DDAH1: variants seen among roughly 807,000 people sequenced by gnomAD.
DDAH1 encodes the protein dimethylarginine dimethylaminohydrolase 1, also known as N(G),N(G)-dimethylarginine dimethylaminohydrolase 1.
DDAH1 carries 19 observed loss-of-function variants against 28.8 expected under a neutral mutation model. The observed-to-expected ratio is 0.66, with a 90% confidence interval of 0.46 to 0.97. DDAH1 has a LOEUF of 0.97. Among genes scored for constraint, DDAH1 ranks in the 50% least tolerant of loss-of-function variants. The pLI is 0.00. For missense variants in DDAH1, 326 were observed against 375.9 expected, an observed-to-expected ratio of 0.87 and a Z score of 1.10; for synonymous variants, 153 against 154.4, an observed-to-expected ratio of 0.99 and a Z score of 0.07.
intron 4 of DDAH1, among the ~76,000 whole-genome samples, chr1:85,338,782 T>G (rs1648286300): frequency 6.6e-6 from 1 of 152,030 alleles, no homozygotes; most frequent in South Asian, 2.1e-4. Flanking sequence ...GGCTCATGCC[T>G]GTAATTCCAG....
intron 1 of DDAH1, among the ~76,000 whole-genome samples, chr1:85,373,119 T>C (rs1396553968): frequency 6.6e-6 from 1 of 152,162 alleles, no homozygotes. Context: ...CAAAACTAAA[T>C]GCATTTCAGT....
chr1:85,555,137 T>C (rs905673787), intron 1 of DDAH1, among the ~76,000 whole-genome samples: 1 of 152,240 alleles, frequency 6.6e-6, no homozygotes, highest in African/African-American at 2.4e-5. Context: ...TCTTGGTGCC[T>C]GGCATAGTGC....
intron 1 of DDAH1, among the ~76,000 whole-genome samples, chr1:85,521,148 C>T (rs149168890): frequency 0.036 from 5,441 of 152,100 alleles, 153 homozygotes; most frequent in South Asian, 0.1. Flanking sequence ...CTTTAATGTC[C>T]GGCTATTCAT....
chr1:85,410,711 TA>T (rs1342839144), intron 1 of DDAH1, among the ~76,000 whole-genome samples: 3 of 152,188 alleles, frequency 2.0e-5, no homozygotes, highest in African/African-American at 7.2e-5. Flanking sequence ...TAATTGAGTT[TA>T]AAACACATAA....
At chr1:85,334,709 T>C (rs756965844) in intron 4 of DDAH1, among the ~76,000 whole-genome samples, 5 of 152,198 alleles carry the variant, frequency 3.3e-5, no homozygotes, top group African/African-American at 9.6e-5. Flanking sequence ...ACCTGCAGAA[T>C]TGTGAGTCAA....
intron 1 of DDAH1, among the ~76,000 whole-genome samples, chr1:85,442,017 G>A (rs1654220462): frequency 1.3e-5 from 2 of 151,838 alleles, no homozygotes; most frequent in South Asian, 4.2e-4. Context: ...GAAAGATGGT[G>A]ACCAAAGCCA....
chr1:85,353,262 CTTTA>C (rs1332917364), intron 2 of DDAH1, among the ~76,000 whole-genome samples: 8 of 152,186 alleles, frequency 5.3e-5, no homozygotes, highest in African/African-American at 1.7e-4. Flanking sequence ...CTCATCTTCC[CTTTA>C]TTTATTGAAA....
intron 4 of DDAH1, among the ~76,000 whole-genome samples, chr1:85,331,397 C>A (rs545536838): frequency 1.0e-4 from 14 of 133,368 alleles, no homozygotes; most frequent in South Asian, 2.7e-4. Flanking sequence ...TTGGGTCACT[C>A]ATAATTGATC....
intron 1 of DDAH1, among the ~76,000 whole-genome samples, chr1:85,416,566 A>G (rs570776452): frequency 6.6e-6 from 1 of 152,352 alleles, no homozygotes; most frequent in South Asian, 2.1e-4. Flanking sequence ...TCCCAAAGAT[A>G]GTTATTTTAA....
At chr1:85,577,477 G>A (rs923490120) in intron 1 of DDAH1, among the ~76,000 whole-genome samples, 1 of 151,924 alleles carries the variant, frequency 6.6e-6, no homozygotes. Context: ...GATCTATGAA[G>A]ACACACACAC....
At chr1:85,462,173 G>C (rs1157973476) in intron 1 of DDAH1, among the ~76,000 whole-genome samples, 1 of 152,184 alleles carries the variant, frequency 6.6e-6, no homozygotes, top group Non-Finnish European at 1.5e-5. Flanking sequence ...AAAGGGAAGA[G>C]AGGAAAGAGG....
intron 1 of DDAH1, among the ~76,000 whole-genome samples, chr1:85,574,017 A>G (rs961326181): frequency 2.8e-4 from 42 of 152,248 alleles, no homozygotes; most frequent in African/African-American, 8.4e-4. Context: ...TCTAGATGGC[A>G]TTTTAACATT....
chr1:85,330,386 T>C (rs1236765567), intron 4 of DDAH1, among the ~76,000 whole-genome samples: 1 of 152,166 alleles, frequency 6.6e-6, no homozygotes, highest in Non-Finnish European at 1.5e-5. Flanking sequence ...AATGCAGCTG[T>C]TGGGCCGTTT....
intron 1 of DDAH1, among the ~76,000 whole-genome samples, chr1:85,450,164 G>T (rs1654605493): frequency 6.6e-6 from 1 of 152,098 alleles, no homozygotes; most frequent in Non-Finnish European, 1.5e-5. Flanking sequence ...ACATATATTT[G>T]CGATTATTTA....
intron 1 of DDAH1, among the ~76,000 whole-genome samples, chr1:85,430,969 C>T (rs919847079): frequency 1.3e-5 from 2 of 152,012 alleles, no homozygotes; most frequent in Admixed American, 6.6e-5. Context: ...TGTCCTCTGC[C>T]GATTTTCAAA....
intron 4 of DDAH1, among the ~76,000 whole-genome samples, chr1:85,340,335 G>A (rs1319491349): frequency 1.3e-5 from 2 of 152,188 alleles, no homozygotes; most frequent in African/African-American, 4.8e-5. Context: ...TTCCTTTGTG[G>A]ATGAGGAATG....
At chr1:85,520,729 C>T (rs567650930) in intron 1 of DDAH1, among the ~76,000 whole-genome samples, 29 of 152,222 alleles carry the variant, frequency 1.9e-4, no homozygotes, top group Non-Finnish European at 2.8e-4. Flanking sequence ...CATTACTGAA[C>T]GCAGGGGACA....
intron 1 of DDAH1, among the ~76,000 whole-genome samples, chr1:85,408,370 C>G (rs1221478042): frequency 6.6e-6 from 1 of 151,730 alleles, no homozygotes; most frequent in Non-Finnish European, 1.5e-5. Context: ...CAGAGGTAAC[C>G]ATGTTTATCA....
intron 1 of DDAH1, among the ~76,000 whole-genome samples, chr1:85,384,994 T>C (rs150211177): frequency 2.0e-5 from 3 of 152,352 alleles, no homozygotes; most frequent in Non-Finnish European, 2.9e-5. Context: ...TATAACTGTA[T>C]AGCAGTCTGT....
Sources: allele counts gnomAD v4.1 joint callset (sites outside exome capture counted in the v4.1 genomes callset), GRCh38; gene constraint gnomAD v4.1.1; transcripts MANE v1.5; gene names NCBI Gene and HGNC (gene_info 2026-07-23, HGNC 2026-07-21).